Variants in CCDC88A observed in about 807,000 individuals in gnomAD.
The protein encoded by CCDC88A is girdin.
A neutral mutation model predicts 234.3 loss-of-function variants in CCDC88A; 54 were observed. The ratio of observed to expected loss-of-function variants is 0.23; its 90% CI spans 0.19 to 0.29. The LOEUF (loss-of-function observed/expected upper bound fraction) is 0.29. Among genes scored for constraint, CCDC88A ranks in the 10% least tolerant of loss-of-function variants. The pLI is 1.00. For missense variants in CCDC88A, 1,832 were observed against 2,123.4 expected (o/e 0.86, Z 2.70); for synonymous variants, 753 against 737.8 (o/e 1.02, Z -0.33).
Position 55,334,618 on chromosome 2 carries a change from C to G in CCDC88A, c.2203G>C (p.Glu735Gln). The G allele has an allele frequency of 6.2e-7, 1 of 1,613,664 alleles. No homozygotes were observed. Among genetic ancestry groups the G allele is most frequent in the Non-Finnish European group, 8.5e-7 (1 of 1,179,850 alleles). Reference protein sequence around the residue: ...LENKELESEKEQLKKGLELLK... With the variant: ...LENKELESEKQQLKKGLELLK... ...AGCTCCAAACCCTTCTTAAGTTGCT[C>G]TTTTTCACTTTCCAGTTCTTTGTTT... is the stretch of plus-strand genomic sequence containing the variant. Residue 735 changes from glutamate to glutamine, a missense_variant, in exon 15 of 33, where the codon GAG (glutamate) becomes CAG (glutamine). Around this residue, in one of 6 missense-constraint regions of CCDC88A, gnomAD observed 1,282 missense variants for 1,543.6 expected, o/e 0.83. Coordinates refer to ENST00000436346, the MANE Select transcript of CCDC88A (RefSeq NM_001365480.1). The surrounding 1 kb of genome is among the most constrained non-coding windows in gnomAD (Gnocchi z 6.1).
chr2:55,318,777 C>T, intron 19 of CCDC88A, 66 bp downstream of exon 19: 30 of 1,212,086 alleles, frequency 2.5e-5, no homozygotes, highest in East Asian at 1.3e-4. Context: ...CCATGTTTAC[C>T]CTCCCTTATT....
intron 5 of CCDC88A, among the ~76,000 whole-genome samples, chr2:55,366,534 TACACACACACACACACAC>T (rs201666406): frequency 7.1e-5 from 9 of 127,638 alleles, no homozygotes; most frequent in South Asian, 2.8e-4. Context: ...CACACACACA[TACACACACACACACACAC>T]ACACACACAC....
At chr2:55,403,889 C>G (rs1345919036) in intron 2 of CCDC88A, 1 of 152,158 alleles carries the variant, frequency 6.6e-6, no homozygotes, top group Non-Finnish European at 1.5e-5. Context: ...GTCACTAAGC[C>G]TTAAGATTGG....
chr2:55,305,647 G>T (rs1681460355), intron 25 of CCDC88A, among the ~76,000 whole-genome samples: 1 of 152,140 alleles, frequency 6.6e-6, no homozygotes, highest in Non-Finnish European at 1.5e-5. Context: ...AGGAGTTTGA[G>T]ACCAGTCTGG....
At chr2:55,368,332 T>C (rs1390367924) in intron 5 of CCDC88A, among the ~76,000 whole-genome samples, 1 of 152,170 alleles carries the variant, frequency 6.6e-6, no homozygotes, top group South Asian at 2.1e-4. Context: ...GGTAAGATCT[T>C]TGGATAATGG....
At position 55,337,525 on chromosome 2, in the gene CCDC88A, T is replaced by C. The variant is rs910314335; in HGVS notation, c.1519-707A>G. The C allele has an allele frequency of 2.6e-5, 4 of 152,210 alleles. No individual in the cohort carries two copies. The East Asian group carries it at 5.8e-4, about 22-fold the overall frequency. 9.4% of individuals were successfully genotyped at this position (152,210 alleles called of 1,614,324 possible). On this transcript the variant is annotated intron_variant, in intron 13 of 32. Coordinates refer to ENST00000436346, the MANE Select transcript of CCDC88A (RefSeq NM_001365480.1). ...AAACATTCTACTGCAAGTTAAATGT[T>C]AAATTCTTATGTCAATAATGAAGCA...
At position 55,332,485 on chromosome 2, in the gene CCDC88A, T is replaced by C; in HGVS notation, c.2855+81A>G. On this transcript the variant is annotated intron_variant, in intron 16 of 32. Coordinates refer to ENST00000436346, the MANE Select transcript of CCDC88A (RefSeq NM_001365480.1). The surrounding 1 kb of genome is among the most constrained non-coding windows in gnomAD (Gnocchi z 4.5). ...GGGTGAAATATATAAATGTTTTCTA[T>C]AGCTAGTACAGAAAGAATTCATGTA... 1.3e-6 allele frequency: 2 copies of C among 1,519,918 alleles called. No homozygotes were observed. Among genetic ancestry groups the C allele is most frequent in the Non-Finnish European group, 8.8e-7 (1 of 1,142,426 alleles). 94.2% of individuals were successfully genotyped at this position (1,519,918 alleles called of 1,614,324 possible).
At position 55,402,817 on chromosome 2, in the gene CCDC88A, G is replaced by A. The variant is rs566461397; in HGVS notation, c.165-13931C>T. 3.9e-5 allele frequency among the ~76,000 whole-genome samples: 6 copies of A among 151,942 alleles called. No homozygotes were observed. In the South Asian group the frequency reaches 1.2e-3, roughly 32 times the overall value. On this transcript the variant is annotated intron_variant, in intron 2 of 32. Transcript: ENST00000436346. Reference sequence around the variant, plus strand: ...AAGGTCAAGAGATCGAGACCATCCTGGCTAATATGGTGAAACCCCATCTCT... The same window carrying A: ...AAGGTCAAGAGATCGAGACCATCCTAGCTAATATGGTGAAACCCCATCTCT...
intron 3 of CCDC88A, among the ~76,000 whole-genome samples, chr2:55,375,895 C>G (rs1416281377): frequency 1.3e-5 from 2 of 152,038 alleles, no homozygotes; most frequent in Non-Finnish European, 2.9e-5. Context: ...AATTAAGAAA[C>G]CTAACTGCTT....
intron 7 of CCDC88A, among the ~76,000 whole-genome samples, chr2:55,359,606 TA>T: frequency 6.6e-6 from 1 of 150,482 alleles, no homozygotes; most frequent in East Asian, 1.9e-4. Context: ...TAAGAATATA[TA>T]TAGAAATATA....
intron 8 of CCDC88A, chr2:55,350,367 T>G (rs1242624242): frequency 6.6e-6 from 1 of 152,210 alleles, no homozygotes; most frequent in Non-Finnish European, 1.5e-5. Flanking sequence ...TATTGGTTTC[T>G]GCCCTGTAGC....
At chr2:55,375,507 ATATATGTATG>A (rs1254660258) in intron 3 of CCDC88A, among the ~76,000 whole-genome samples, 4,706 of 18,742 alleles carry the variant, frequency 0.25, 202 homozygotes, top group Admixed American at 0.31. Flanking sequence ...ATATATATAT[ATATATGTATG>A]TATGTATAAA....
Position 55,288,656 on chromosome 2 carries a change from G to C in CCDC88A, c.*2544C>G, listed in dbSNP as rs890514908. ...CACCAATTTAAAAATTTGGATGAAA[G>C]CATTTCCACATGGACAGATCTGAAG... On this transcript the variant is annotated 3_prime_UTR_variant, in exon 33 of 33. Transcript: ENST00000436346. 1 of 152,596 alleles carries C rather than the reference G, an allele frequency of 6.6e-6. No homozygotes were observed. Among genetic ancestry groups the C allele is most frequent in the Non-Finnish European group, 1.5e-5 (1 of 68,020 alleles). The allele number at this position is 152,596 out of a possible 1,614,324, so 9.5% of individuals were successfully genotyped here.
At chr2:55,393,936 C>G (rs938184665) in intron 2 of CCDC88A, among the ~76,000 whole-genome samples, 2 of 152,120 alleles carry the variant, frequency 1.3e-5, no homozygotes, top group African/African-American at 4.8e-5. Context: ...GGGTGCTGAA[C>G]TTTACCCAGT....
rs186778568 is a variant in CCDC88A at position 55,292,811 on chromosome 2, A to G, written c.5552-1036T>C. 5.2e-5 allele frequency: 8 copies of G among 152,392 alleles called. No homozygotes were observed. The East Asian group carries it at 1.2e-3, about 22-fold the overall frequency. 9.4% of individuals were successfully genotyped at this position (152,392 alleles called of 1,614,324 possible). ...AGGAGGCAGAGGTTTCAGTGAGATGATATCACGCCACTGTACTCCAGCCTA... is the reference window on the plus strand; with the variant it reads ...AGGAGGCAGAGGTTTCAGTGAGATGGTATCACGCCACTGTACTCCAGCCTA... On this transcript the variant is annotated intron_variant, in intron 31 of 32. Transcript: ENST00000436346.
At chr2:55,345,266 A>C (rs1668957880) in intron 10 of CCDC88A, 1 of 152,112 alleles carries the variant, frequency 6.6e-6, no homozygotes, top group Admixed American at 6.6e-5. Context: ...AAATGTTCTA[A>C]CTACTTTCTC....
intron 5 of CCDC88A, among the ~76,000 whole-genome samples, chr2:55,371,644 C>T (rs1672864126): frequency 6.6e-6 from 1 of 152,112 alleles, no homozygotes; most frequent in South Asian, 2.1e-4. Flanking sequence ...TGCCATTCCA[C>T]TGTAATTATT....
intron 3 of CCDC88A, among the ~76,000 whole-genome samples, chr2:55,387,796 A>G (rs561515993): frequency 3.3e-5 from 5 of 150,800 alleles, no homozygotes; most frequent in African/African-American, 7.3e-5. Context: ...AAAAAAAAAA[A>G]AAAGAAAAAG....
At position 55,317,127 on chromosome 2, in the gene CCDC88A, G is replaced by GA. The variant is rs1013975987; in HGVS notation, c.3746+78dup. The GA allele has an allele frequency of 3.7e-6, 2 of 541,466 alleles. No individual in the cohort carries two copies. Among genetic ancestry groups the GA allele is most frequent in the Non-Finnish European group, 5.5e-6 (2 of 364,252 alleles). The allele number at this position is 541,466 out of a possible 1,614,324, so 33.5% of individuals were successfully genotyped here. ...GATGTAAGAAATAATACATAATTTT[G>GA]AAAAAACATATATATACACATATAT... is the stretch of plus-strand genomic sequence containing the variant. On this transcript the variant is annotated intron_variant, in intron 21 of 32. Coordinates refer to ENST00000436346, the MANE Select transcript of CCDC88A (RefSeq NM_001365480.1). The surrounding 1 kb of genome is among the most constrained non-coding windows in gnomAD (Gnocchi z 4.2).
Sources: gnomAD v4.1 joint callset for allele counts (sites outside exome capture counted in the v4.1 genomes callset) on GRCh38, gnomAD v4.1.1 for gene constraint, gnomAD v4.1.1 regional missense constraint, Gnocchi (gnomAD v3.1) non-coding constraint, MANE v1.5 for transcripts, NCBI Gene and HGNC (gene_info 2026-07-23, HGNC 2026-07-21) for gene names.